RNF175: variants seen among roughly 807,000 people sequenced by gnomAD.
RNF175 encodes the protein ring finger protein 175.
In RNF175, 38 loss-of-function variants were observed where a neutral mutation model predicts 50.0. That is an observed-to-expected ratio of 0.76 (90% CI 0.59 to 1.00). RNF175 has a LOEUF of 1.00. Among genes scored for constraint, RNF175 ranks in the 50% least tolerant of loss-of-function variants. The pLI is 0.00. For synonymous variants in RNF175, 155 were observed against 146.1 expected (o/e 1.06, Z -0.44); for missense variants, 388 against 409.6 (o/e 0.95, Z 0.46).
intron 3 of RNF175, among the ~76,000 whole-genome samples, chr4:153,732,315 T>C (rs1297865853): frequency 6.6e-6 from 1 of 152,122 alleles, no homozygotes; most frequent in East Asian, 1.9e-4. Context: ...CAAAGGTTCC[T>C]TAGAAATTCA....
chr4:153,747,629 C>G (rs1740045664), intron 3 of RNF175, among the ~76,000 whole-genome samples: 1 of 152,196 alleles, frequency 6.6e-6, no homozygotes, highest in Non-Finnish European at 1.5e-5. Flanking sequence ...AAGTTTCAGC[C>G]TTTCTCTATA....
chr4:153,739,796 G>C (rs76347058), intron 3 of RNF175, among the ~76,000 whole-genome samples: 1 of 152,058 alleles, frequency 6.6e-6, no homozygotes, highest in Non-Finnish European at 1.5e-5. Flanking sequence ...GCTTTCCGTA[G>C]TGTGAATTTG....
intron 1 of RNF175, among the ~76,000 whole-genome samples, chr4:153,758,260 A>C (rs1740652761): frequency 6.6e-6 from 1 of 152,202 alleles, no homozygotes; most frequent in Non-Finnish European, 1.5e-5. Context: ...TGTGCAAATG[A>C]ATCACCCTGG....
intron 5 of RNF175, among the ~76,000 whole-genome samples, chr4:153,722,334 C>T (rs913276068): frequency 2.6e-5 from 4 of 152,324 alleles, no homozygotes; most frequent in African/African-American, 9.6e-5. Flanking sequence ...TCTCCCTAGA[C>T]TTTCTTGCTG....
At chr4:153,726,697 C>T (rs942222595) in intron 4 of RNF175, among the ~76,000 whole-genome samples, 2 of 152,194 alleles carry the variant, frequency 1.3e-5, no homozygotes, top group African/African-American at 4.8e-5. Flanking sequence ...AAGCAAAGAT[C>T]CATGGTAATT....
intron 5 of RNF175, chr4:153,720,636 C>T (rs1206560599): frequency 4.5e-6 from 1 of 222,460 alleles, no homozygotes; most frequent in Non-Finnish European, 9.2e-6. Flanking sequence ...GTTTCCATCT[C>T]CAGGCCACAC....
intron 6 of RNF175, among the ~76,000 whole-genome samples, chr4:153,718,238 GTTTT>G (rs1430601897): frequency 1.2e-5 from 1 of 82,126 alleles, no homozygotes; most frequent in African/African-American, 4.8e-5. Flanking sequence ...TTGTTTGTTT[GTTTT>G]TTTTTTTTTT....
chr4:153,739,596 C>G (rs1345360919), intron 3 of RNF175, among the ~76,000 whole-genome samples: 2 of 152,024 alleles, frequency 1.3e-5, no homozygotes, highest in African/African-American at 4.8e-5. Context: ...GTAATGAATT[C>G]CTCATTTTTT....
chr4:153,758,241 G>A (rs1257242593), intron 1 of RNF175, among the ~76,000 whole-genome samples: 1 of 152,198 alleles, frequency 6.6e-6, no homozygotes, highest in African/African-American at 2.4e-5. Flanking sequence ...AGCACTTCTT[G>A]AACTTTGATG....
intron 3 of RNF175, among the ~76,000 whole-genome samples, chr4:153,744,371 G>A (rs1043453510): frequency 1.1e-4 from 17 of 152,072 alleles, no homozygotes; most frequent in African/African-American, 2.2e-4. Flanking sequence ...GCAGTGAGCC[G>A]AGATCGCGCC....
At chr4:153,726,948 G>C (rs1738734344) in intron 4 of RNF175, among the ~76,000 whole-genome samples, 1 of 152,188 alleles carries the variant, frequency 6.6e-6, no homozygotes, top group African/African-American at 2.4e-5. Flanking sequence ...GCCATAAAGG[G>C]TAATGAGGCA....
chr4:153,745,824 A>G (rs1169753814), intron 3 of RNF175: 1 of 152,246 alleles, frequency 6.6e-6, no homozygotes, highest in Non-Finnish European at 1.5e-5. Flanking sequence ...TAAAGGCATT[A>G]GTCCATTCAT....
chr4:153,749,273 G>C (rs571260155), intron 2 of RNF175, among the ~76,000 whole-genome samples: 1 of 152,188 alleles, frequency 6.6e-6, no homozygotes, highest in Non-Finnish European at 1.5e-5. Context: ...TAAAGCACAT[G>C]TTATTTTATT....
At chr4:153,715,877 C>T (rs1332333334) in intron 6 of RNF175, among the ~76,000 whole-genome samples, 5 of 151,964 alleles carry the variant, frequency 3.3e-5, no homozygotes, top group South Asian at 2.1e-4. Flanking sequence ...GCGTGGCCAA[C>T]GGGGTGAAAC....
intron 3 of RNF175, among the ~76,000 whole-genome samples, chr4:153,740,528 G>T (rs543107389): frequency 6.6e-6 from 1 of 152,242 alleles, no homozygotes; most frequent in Non-Finnish European, 1.5e-5. Flanking sequence ...TCACCATGCT[G>T]TGCAATAGAA....
In RNF175 at chr4:153,759,827, C is replaced by T. The variant is rs541447470; in HGVS notation, c.36G>A (p.Pro12=). ...AAGTAARKAA[P]VLEAPPQQEQ... is the part of the protein sequence containing the mutation. Reference sequence around the variant, plus strand: ...CCTGCTGCGGGGGGGCCTCCAGCACCGGCGCTGCCTTCCGCGCCGCCGTCC... The same window carrying T: ...CCTGCTGCGGGGGGGCCTCCAGCACTGGCGCTGCCTTCCGCGCCGCCGTCC... The change falls in exon 1 of 9, where the codon CCG becomes CCA. Residue 12 remains proline (P), a synonymous_variant. Transcript: ENST00000347063. 151 of 1,470,754 alleles carry T rather than the reference C, an allele frequency of 1.0e-4. 1 individual carries two copies. The South Asian group carries it at 1.4e-3, about 14-fold the overall frequency. The allele number at this position is 1,470,754 out of a possible 1,614,324, so 91.1% of individuals were successfully genotyped here.
intron 1 of RNF175, among the ~76,000 whole-genome samples, chr4:153,757,882 G>T (rs1466079981): frequency 6.6e-6 from 1 of 152,116 alleles, no homozygotes; most frequent in Non-Finnish European, 1.5e-5. Flanking sequence ...GTCCAGTAAG[G>T]TATGCTGGAG....
At chr4:153,736,905 G>C (rs997594272) in intron 3 of RNF175, among the ~76,000 whole-genome samples, 6 of 152,076 alleles carry the variant, frequency 3.9e-5, no homozygotes, top group African/African-American at 1.4e-4. Flanking sequence ...TGTGACCCAG[G>C]CTGGAATGCA....
intron 3 of RNF175, among the ~76,000 whole-genome samples, chr4:153,747,842 G>A (rs1204770341): frequency 6.6e-6 from 1 of 152,174 alleles, no homozygotes; most frequent in Non-Finnish European, 1.5e-5. Flanking sequence ...TCTGTTTTCT[G>A]CTGTTATAAC....
Sources: gnomAD v4.1 joint callset for allele counts (sites outside exome capture counted in the v4.1 genomes callset) on GRCh38, gnomAD v4.1.1 for gene constraint, MANE v1.5 for transcripts, NCBI Gene and HGNC (gene_info 2026-07-23, HGNC 2026-07-21) for gene names.